The following SMAD6 variants were observed in gnomAD, a reference collection of about 807,000 sequenced individuals.
SMAD6 encodes MAD homolog 6.
Under a neutral mutation model 39.4 loss-of-function variants are expected in SMAD6, and 103 were observed. That is an observed-to-expected ratio of 2.62 (90% CI 2.23 to 3.08). The LOEUF is 3.08. Among genes scored for constraint, SMAD6 ranks in the 30% most tolerant of loss-of-function variants. SMAD6 has a pLI of 0.00. For synonymous variants in SMAD6, 445 were observed against 353.3 expected, an observed-to-expected ratio of 1.26 and a Z score of -2.91; for missense variants, 1,104 against 742.9, an observed-to-expected ratio of 1.49 and a Z score of -5.65.
chr15:66,723,364 A>T (rs984639021), intron 3 of SMAD6, among the ~76,000 whole-genome samples: 9 of 152,230 alleles, frequency 5.9e-5, no homozygotes, highest in African/African-American at 2.2e-4. Flanking sequence ...CTTTTGAATG[A>T]CAAGTCAATG....
intron 3 of SMAD6, among the ~76,000 whole-genome samples, chr15:66,766,278 G>T (rs117931548): frequency 6.6e-6 from 1 of 152,138 alleles, no homozygotes; most frequent in Admixed American, 6.5e-5. Context: ...TCAGGGAGAG[G>T]GACTGTGCTG....
chr15:66,706,264 A>G (rs1431187284), intron 1 of SMAD6: 2 of 152,026 alleles, frequency 1.3e-5, no homozygotes, highest in African/African-American at 2.4e-5. Flanking sequence ...CTCTAGGAAT[A>G]TTCTCCCCAT....
At chr15:66,739,759 A>ATT (rs1476553081) in intron 3 of SMAD6, among the ~76,000 whole-genome samples, 4 of 152,200 alleles carry the variant, frequency 2.6e-5, no homozygotes, top group Non-Finnish European at 4.4e-5. Flanking sequence ...GTCCAGAGAT[A>ATT]ACCACTGTTA....
Position 66,703,898 on chromosome 15 carries a change from CG to C in SMAD6, c.641del (p.Arg214ProfsTer28). 7.7e-7 allele frequency: 1 copy of C among 1,293,232 alleles called. No homozygotes were observed. The highest frequency in any genetic ancestry group is 9.8e-7 in the Non-Finnish European group (1 of 1,024,888). The allele number at this position is 1,293,232 out of a possible 1,614,324, so 80.1% of individuals were successfully genotyped here. A position where few individuals can be genotyped will look rare whatever the true frequency, so the allele number is the denominator to read the frequency against. ...GCVLVPRADL[R>X]LGGQPAPPQL... ...CGTGCTGGTGCCGCGCGCCGACCTCCGCCTGGGCGGCCAGCCCGCGCCGCCG... is the reference window on the plus strand; with the variant it reads ...CGTGCTGGTGCCGCGCGCCGACCTCCCCTGGGCGGCCAGCCCGCGCCGCCG... On this transcript the variant is annotated frameshift_variant, in exon 1 of 4. Transcript: ENST00000288840. LOFTEE classifies it high-confidence loss of function.
At chr15:66,717,732 C>G (rs951780901) in intron 3 of SMAD6, among the ~76,000 whole-genome samples, 1 of 152,112 alleles carries the variant, frequency 6.6e-6, no homozygotes, top group Non-Finnish European at 1.5e-5. Context: ...ATGTGACTTG[C>G]CATACAGGGT....
intron 1 of SMAD6, chr15:66,705,833 C>CTGT (rs138667379): frequency 0.027 from 4,104 of 152,474 alleles, 172 homozygotes; most frequent in African/African-American, 0.092. Flanking sequence ...TACCAGAAGG[C>CTGT]TGTGGGTGTG....
intron 3 of SMAD6, among the ~76,000 whole-genome samples, chr15:66,752,175 G>A (rs182541508): frequency 6.6e-6 from 1 of 151,956 alleles, no homozygotes; most frequent in East Asian, 1.9e-4. Flanking sequence ...GCTTTTCTGG[G>A]TCTCAGGATT....
intron 3 of SMAD6, among the ~76,000 whole-genome samples, chr15:66,750,068 G>A (rs1222787470): frequency 6.6e-6 from 1 of 152,142 alleles, no homozygotes; most frequent in Non-Finnish European, 1.5e-5. Flanking sequence ...CAGTGGCCCT[G>A]TATCGATTGC....
At chr15:66,742,322 C>G (rs953386505) in intron 3 of SMAD6, among the ~76,000 whole-genome samples, 1 of 151,870 alleles carries the variant, frequency 6.6e-6, no homozygotes, top group African/African-American at 2.4e-5. Context: ...TGGTTTCCCT[C>G]AGAGCAACTT....
intron 3 of SMAD6, among the ~76,000 whole-genome samples, chr15:66,726,697 C>A (rs772470840): frequency 5.3e-5 from 8 of 152,104 alleles, no homozygotes; most frequent in Non-Finnish European, 1.5e-5. Context: ...TGACTCTGTT[C>A]CCTGTTTCTT....
At chr15:66,773,146 C>T (rs949818992) in intron 3 of SMAD6, among the ~76,000 whole-genome samples, 1 of 141,528 alleles carries the variant, frequency 7.1e-6, no homozygotes, top group Non-Finnish European at 1.5e-5. Context: ...ATGTAATGAC[C>T]GATTAGGAAC....
At chr15:66,728,071 T>G (rs1295315793) in intron 3 of SMAD6, among the ~76,000 whole-genome samples, 1 of 152,164 alleles carries the variant, frequency 6.6e-6, no homozygotes, top group African/African-American at 2.4e-5. Context: ...CAGGCTGGTC[T>G]TAAACTCCCG....
At chr15:66,707,695 G>C (rs1315232331) in intron 1 of SMAD6, 2 of 152,306 alleles carry the variant, frequency 1.3e-5, no homozygotes, top group Non-Finnish European at 2.9e-5. Flanking sequence ...AGTGCCAGGA[G>C]CTCCTTTTCT....
intron 3 of SMAD6, among the ~76,000 whole-genome samples, chr15:66,759,187 A>G (rs1449232135): frequency 2.6e-5 from 4 of 152,244 alleles, no homozygotes; most frequent in Non-Finnish European, 5.9e-5. Flanking sequence ...GTAAGGTATA[A>G]TAATCAATAA....
rs993845927 is a variant in SMAD6 at position 66,747,572 on chromosome 15, A to G, written c.952+31074A>G. On this transcript the variant is annotated intron_variant, in intron 3 of 3. Coordinates refer to ENST00000288840, the MANE Select transcript of SMAD6 (RefSeq NM_005585.5). This position sits in a 1 kb window ranked among gnomAD's most constrained non-coding sequence, Gnocchi z 4.5. ...GGCACCACCCCATCTGCCTACTGGC[A>G]TTGCTGCTTCTCACCTGAAGCTAAT... 1.3e-5 allele frequency among the ~76,000 whole-genome samples: 2 copies of G among 152,252 alleles called. No individual in the cohort carries two copies. The highest frequency in any genetic ancestry group is 2.9e-5 in the Non-Finnish European group (2 of 68,048).
At chr15:66,742,264 C>T (rs1262201346) in intron 3 of SMAD6, among the ~76,000 whole-genome samples, 1 of 152,190 alleles carries the variant, frequency 6.6e-6, no homozygotes, top group African/African-American at 2.4e-5. Flanking sequence ...AGCATCCCCT[C>T]ACCGCCCTGA....
In SMAD6 at chr15:66,781,627, A is replaced by G; in HGVS notation, c.*92A>G. The G allele has an allele frequency of 1.2e-6, 1 of 818,056 alleles. No homozygotes were observed. Among genetic ancestry groups the G allele is most frequent in the South Asian group, 2.2e-5 (1 of 46,250 alleles). The allele number at this position is 818,056 out of a possible 1,614,324, so 50.7% of individuals were successfully genotyped here. On this transcript the variant is annotated 3_prime_UTR_variant, in exon 4 of 4. Coordinates refer to ENST00000288840, the MANE Select transcript of SMAD6 (RefSeq NM_005585.5). Reference sequence around the variant, plus strand: ...GCCGATGCCCAGAGACACAGCCCCCACGGACAAAACCCCCCAGATATCATC... The same window carrying G: ...GCCGATGCCCAGAGACACAGCCCCCGCGGACAAAACCCCCCAGATATCATC...
intron 3 of SMAD6, among the ~76,000 whole-genome samples, chr15:66,718,458 G>A (rs1345205859): frequency 6.6e-6 from 1 of 152,192 alleles, no homozygotes; most frequent in Non-Finnish European, 1.5e-5. Context: ...GGACTGTGTT[G>A]GAAAATGTGT....
intron 3 of SMAD6, among the ~76,000 whole-genome samples, chr15:66,764,433 A>G (rs1894255807): frequency 6.6e-6 from 1 of 152,132 alleles, no homozygotes; most frequent in African/African-American, 2.4e-5. Flanking sequence ...CGAAAGCCTC[A>G]GTATTTAGGG....
Sources: gnomAD v4.1 joint callset for allele counts (sites outside exome capture counted in the v4.1 genomes callset) on GRCh38, gnomAD v4.1.1 for gene constraint, Gnocchi (gnomAD v3.1) non-coding constraint, MANE v1.5 for transcripts, NCBI Gene and HGNC (gene_info 2026-07-23, HGNC 2026-07-21) for gene names.